NEDD4L: variants seen among roughly 807,000 people sequenced by gnomAD.
NEDD4L encodes the protein NEDD4 like E3 ubiquitin protein ligase.
In NEDD4L, 54 loss-of-function variants were observed where a neutral mutation model predicts 148.9. The ratio of observed to expected loss-of-function variants is 0.36; its 90% CI spans 0.29 to 0.45. The LOEUF is 0.45. Ranked by LOEUF, NEDD4L falls within the 20% of genes least tolerant of loss-of-function variation. The pLI, the probability that NEDD4L is intolerant of heterozygous loss-of-function variation, is 1.00. For missense variants in NEDD4L, 856 were observed against 1,233.8 expected, an observed-to-expected ratio of 0.69 and a Z score of 4.59; for synonymous variants, 433 against 440.7, an observed-to-expected ratio of 0.98 and a Z score of 0.22.
At chr18:58,155,495 G>A (rs1288210033) in intron 1 of NEDD4L, among the ~76,000 whole-genome samples, 1 of 152,202 alleles carries the variant, frequency 6.6e-6, no homozygotes, top group Non-Finnish European at 1.5e-5. Context: ...TATCTTGCTA[G>A]TGAGTCTTTG....
chr18:58,145,546 T>C (rs1320828521), intron 1 of NEDD4L, among the ~76,000 whole-genome samples: 1 of 152,214 alleles, frequency 6.6e-6, no homozygotes, highest in Non-Finnish European at 1.5e-5. Flanking sequence ...CCCTAGCTGA[T>C]TGACAGTATC....
chr18:58,150,099 G>A (rs2034529493), intron 1 of NEDD4L, among the ~76,000 whole-genome samples: 1 of 152,182 alleles, frequency 6.6e-6, no homozygotes, highest in South Asian at 2.1e-4. Context: ...ATTTGATGAA[G>A]ATTTCAATGT....
chr18:58,139,992 A>G (rs1465466706), intron 1 of NEDD4L, among the ~76,000 whole-genome samples: 1 of 152,198 alleles, frequency 6.6e-6, no homozygotes, highest in Non-Finnish European at 1.5e-5. Flanking sequence ...GCTGATGGAC[A>G]TTGGTTCAGT....
intron 1 of NEDD4L, among the ~76,000 whole-genome samples, chr18:58,139,528 C>A (rs1477265258): frequency 6.6e-6 from 1 of 151,976 alleles, no homozygotes; most frequent in African/African-American, 2.4e-5. Flanking sequence ...TAAAATAATG[C>A]GTGTTTGTTA....
intron 2 of NEDD4L, among the ~76,000 whole-genome samples, chr18:58,234,053 CTTT>C (rs1568442264): frequency 2.4e-4 from 18 of 74,342 alleles, no homozygotes; most frequent in Admixed American, 1.0e-3. Context: ...CCTTTTCTTT[CTTT>C]CTTTCTTTCT....
intron 24 of NEDD4L, among the ~76,000 whole-genome samples, chr18:58,381,031 T>C (rs1316998447): frequency 1.3e-5 from 2 of 152,210 alleles, no homozygotes; most frequent in South Asian, 2.1e-4. Flanking sequence ...TATAATTCTG[T>C]ATAACCCTGG....
chr18:58,387,557 T>C (rs1444748937), intron 27 of NEDD4L, 59 bp downstream of exon 27: 1 of 1,409,758 alleles, frequency 7.1e-7, no homozygotes, highest in Non-Finnish European at 9.5e-7. Flanking sequence ...CTCTCATTAC[T>C]TTACAAGTAA....
chr18:58,052,097 C>CTAGATT (rs1393203659), intron 1 of NEDD4L, among the ~76,000 whole-genome samples: 2 of 152,134 alleles, frequency 1.3e-5, no homozygotes, highest in African/African-American at 4.8e-5. Flanking sequence ...AAACTAGAAA[C>CTAGATT]TAGATTTAGA....
intron 24 of NEDD4L, among the ~76,000 whole-genome samples, chr18:58,379,579 A>G (rs948576203): frequency 6.6e-6 from 1 of 152,128 alleles, no homozygotes; most frequent in Non-Finnish European, 1.5e-5. Flanking sequence ...AGAGTCAGAT[A>G]GCCGCCTCTC....
At chr18:58,166,885 T>C (rs1051574216) in intron 2 of NEDD4L, among the ~76,000 whole-genome samples, 1 of 152,140 alleles carries the variant, frequency 6.6e-6, no homozygotes, top group Non-Finnish European at 1.5e-5. Context: ...AGAAGCCCCT[T>C]TCTAGCTAGC....
chr18:58,194,628 T>C (rs1239670986), intron 2 of NEDD4L, among the ~76,000 whole-genome samples: 2 of 152,136 alleles, frequency 1.3e-5, no homozygotes, highest in East Asian at 1.9e-4. Flanking sequence ...TGTGGGGTCA[T>C]GGGATCTGTT....
intron 22 of NEDD4L, among the ~76,000 whole-genome samples, chr18:58,368,907 C>T (rs2046451113): frequency 6.6e-6 from 1 of 152,186 alleles, no homozygotes; most frequent in African/African-American, 2.4e-5. Context: ...CAATTCACTC[C>T]AACTTTCTCA....
intron 2 of NEDD4L, among the ~76,000 whole-genome samples, chr18:58,187,951 CTT>C (rs2039655773): frequency 6.6e-6 from 1 of 152,202 alleles, no homozygotes; most frequent in Admixed American, 6.5e-5. Flanking sequence ...TCTGTTATCT[CTT>C]GTTTGCATTT....
At chr18:58,089,126 ATTTTTTTTTTT>A (rs570623396) in intron 1 of NEDD4L, among the ~76,000 whole-genome samples, 3 of 100,974 alleles carry the variant, frequency 3.0e-5, no homozygotes, top group Middle Eastern at 7.7e-3. Context: ...TTATTTCATA[ATTTTTTTTTTT>A]TTTTTTTTTT....
rs1484104502 is a variant in NEDD4L at position 58,390,733 on chromosome 18, G to C, written c.2743G>C (p.Glu915Gln). The C allele has an allele frequency of 1.3e-6, 2 of 1,590,484 alleles. No homozygotes were observed. Residue 915 changes from glutamate to glutamine, a missense_variant, in exon 29 of 31, where the codon GAA becomes CAA. Coordinates refer to ENST00000400345, the MANE Select transcript of NEDD4L (RefSeq NM_001144967.3). ...GCGAGTACCTATGAATGGATTTGCC[G>C]AACTTTATGGTGAGCAGGATACCAT... The part of the protein sequence containing the change: ...TSRVPMNGFA[E>Q]LYGSNGPQLF...
chr18:58,233,570 A>G (rs1230128392), intron 2 of NEDD4L, among the ~76,000 whole-genome samples: 8 of 152,232 alleles, frequency 5.3e-5, no homozygotes, highest in African/African-American at 1.9e-4. Context: ...AGGAGCTACA[A>G]TTTAAGATGA....
At chr18:58,165,986 A>G in intron 2 of NEDD4L, 125 bp downstream of exon 2, 5 of 746,624 alleles carry the variant, frequency 6.7e-6, no homozygotes, top group Non-Finnish European at 1.1e-5. Context: ...CCCCACCTGC[A>G]GGGATTCTGA....
At chr18:58,358,393 C>T (rs1163000198) in intron 19 of NEDD4L, among the ~76,000 whole-genome samples, 1 of 152,158 alleles carries the variant, frequency 6.6e-6, no homozygotes, top group Non-Finnish European at 1.5e-5. Flanking sequence ...TATTCGCAGT[C>T]ACAGTTGTTT....
chr18:58,186,569 C>G (rs964402407), intron 2 of NEDD4L, among the ~76,000 whole-genome samples: 2 of 152,208 alleles, frequency 1.3e-5, no homozygotes, highest in African/African-American at 4.8e-5. Context: ...CTGAGACCTA[C>G]TGTATTTTGA....
Sources: allele counts gnomAD v4.1 joint callset (sites outside exome capture counted in the v4.1 genomes callset), GRCh38; gene constraint gnomAD v4.1.1; transcripts MANE v1.5; gene names NCBI Gene and HGNC (gene_info 2026-07-23, HGNC 2026-07-21).